SAMSN1: variants seen among roughly 807,000 people sequenced by gnomAD.
The protein encoded by SAMSN1 is SAM domain-containing protein SAMSN-1.
A neutral mutation model predicts 42.0 loss-of-function variants in SAMSN1; 31 were observed. That is an observed-to-expected ratio of 0.74 (90% CI 0.55 to 1.00). The LOEUF is 1.00. Ranked by LOEUF, SAMSN1 falls within the 50% of genes least tolerant of loss-of-function variation. SAMSN1 has a pLI of 0.00. For synonymous variants in SAMSN1, 178 were observed against 151.9 expected, an observed-to-expected ratio of 1.17 and a Z score of -1.26; for missense variants, 464 against 439.4, an observed-to-expected ratio of 1.06 and a Z score of -0.50.
rs372349738 is a variant in SAMSN1, at chr21:14,646,248, G to C, written c.25-3115C>G. On this transcript the variant is annotated intron_variant, in intron 1 of 15. Coordinates refer to the SAMSN1 transcript ENST00000647101. ...TCAAATCCCAACTATCAAGGATAAA[G>C]AAAGAATTCTAAAAGCCACAAGAGA... Among the ~76,000 whole-genome samples the C allele has an allele frequency of 1.2e-4, 19 of 152,158 alleles. No homozygotes were observed. In the South Asian group the frequency reaches 3.9e-3, roughly 32 times the overall value.
intron 1 of SAMSN1, among the ~76,000 whole-genome samples, chr21:14,535,336 G>A (rs1035704726): frequency 6.6e-6 from 1 of 152,132 alleles, no homozygotes. Flanking sequence ...TTGGATGTGA[G>A]GAAGGAAAGA....
chr21:14,507,460 A>T lies in SAMSN1; in HGVS notation c.561+2850T>A, dbSNP rs533761917. On this transcript the variant is annotated intron_variant, in intron 5 of 7. Transcript: ENST00000400566. The stretch of plus-strand genomic sequence containing the variant: ...TTTTACAATAGCTGCAAAAACAAAA[A>T]CAAAAACAAAACTTTGGAATATGCC... Among the ~76,000 whole-genome samples, 4 of 152,310 alleles carry T rather than the reference A, an allele frequency of 2.6e-5. No individual in the cohort carries two copies. In the South Asian group the frequency reaches 8.3e-4, roughly 32 times the overall value.
At chr21:14,544,231 T>C (rs55659033) in intron 1 of SAMSN1, among the ~76,000 whole-genome samples, 2,255 of 152,222 alleles carry the variant, frequency 0.015, 38 homozygotes, top group Middle Eastern at 0.048. Flanking sequence ...TTGAATTTTT[T>C]GTAGAGATGG....
At chr21:14,656,399 A>G (rs977817351) in intron 1 of SAMSN1, among the ~76,000 whole-genome samples, 11 of 151,966 alleles carry the variant, frequency 7.2e-5, no homozygotes, top group Non-Finnish European at 1.5e-4. Context: ...CCAAATAAAG[A>G]CAGAGGCAGC....
At chr21:14,556,528 T>C (rs1021993181) in intron 2 of SAMSN1, among the ~76,000 whole-genome samples, 2 of 152,220 alleles carry the variant, frequency 1.3e-5, no homozygotes, top group Admixed American at 6.5e-5. Context: ...CATATTAGGC[T>C]GTTCCAATTA....
At chr21:14,518,931 T>G (rs551059039) in intron 2 of SAMSN1, among the ~76,000 whole-genome samples, 2 of 152,290 alleles carry the variant, frequency 1.3e-5, no homozygotes, top group Admixed American at 1.3e-4. Flanking sequence ...ATAAGAAATG[T>G]TAATTACTAC....
At chr21:14,611,520 G>A (rs1982707180) in intron 4 of SAMSN1, among the ~76,000 whole-genome samples, 1 of 152,214 alleles carries the variant, frequency 6.6e-6, no homozygotes, top group South Asian at 2.1e-4. Context: ...AGAAAAGGCA[G>A]TTGATCATCA....
upstream of SAMSN1, among the ~76,000 whole-genome samples, chr21:14,547,092 T>C (rs1326304058): frequency 6.6e-6 from 1 of 152,220 alleles, no homozygotes; most frequent in East Asian, 1.9e-4. Context: ...ACTTAAAGCA[T>C]GTATGCATAT....
intron 6 of SAMSN1, among the ~76,000 whole-genome samples, chr21:14,596,539 A>G (rs1264376385): frequency 2.0e-5 from 3 of 152,190 alleles, no homozygotes; most frequent in South Asian, 2.1e-4. Flanking sequence ...CAAATAGAAT[A>G]AAATGGAAGT....
At chr21:14,657,264 A>G (rs1568845394) in intron 1 of SAMSN1, among the ~76,000 whole-genome samples, 1 of 151,904 alleles carries the variant, frequency 6.6e-6, no homozygotes, top group Non-Finnish European at 1.5e-5. Context: ...ATGATTCAAC[A>G]AAAGACTAGG....
intron 1 of SAMSN1, among the ~76,000 whole-genome samples, chr21:14,654,555 T>G (rs955946160): frequency 4.6e-5 from 7 of 152,014 alleles, no homozygotes; most frequent in African/African-American, 1.7e-4. Flanking sequence ...ATACAGGGCC[T>G]ATGGTAGCAA....
At chr21:14,578,340 G>T (rs1045661024) in intron 2 of SAMSN1, among the ~76,000 whole-genome samples, 2 of 152,068 alleles carry the variant, frequency 1.3e-5, no homozygotes, top group Non-Finnish European at 2.9e-5. Context: ...CCTTGAGAGT[G>T]GGAGGCTACA....
chr21:14,657,105 A>T (rs187778898), intron 1 of SAMSN1, among the ~76,000 whole-genome samples: 16 of 151,962 alleles, frequency 1.1e-4, no homozygotes, highest in South Asian at 2.1e-4. Flanking sequence ...AGGGTGTCAC[A>T]ACACTGTGGT....
At chr21:14,614,330 G>A (rs1160466024) in intron 3 of SAMSN1, among the ~76,000 whole-genome samples, 7 of 152,102 alleles carry the variant, frequency 4.6e-5, no homozygotes, top group Admixed American at 1.3e-4. Flanking sequence ...TTGACTATAG[G>A]TTGATCCTTG....
chr21:14,520,760 G>T (rs112041597), intron 2 of SAMSN1, among the ~76,000 whole-genome samples: 4 of 152,168 alleles, frequency 2.6e-5, no homozygotes, highest in Non-Finnish European at 4.4e-5. Flanking sequence ...CTATGGGAAG[G>T]TCGTGTGGTT....
chr21:14,618,235 T>C (rs530870367), intron 2 of SAMSN1, among the ~76,000 whole-genome samples: 24 of 152,346 alleles, frequency 1.6e-4, no homozygotes, highest in Non-Finnish European at 2.8e-4. Context: ...GGGCAAAAAA[T>C]TGAGCTGAAA....
At chr21:14,512,016 GA>G (rs1261540365) in intron 4 of SAMSN1, among the ~76,000 whole-genome samples, 10 of 152,150 alleles carry the variant, frequency 6.6e-5, no homozygotes, top group African/African-American at 1.9e-4. Context: ...GAGAAAGAAT[GA>G]GGGGGACGCA....
rs1217458665 is a variant in SAMSN1, at chr21:14,546,210, G to A, written c.52C>T (p.Pro18Ser). 1.2e-6 allele frequency: 2 copies of A among 1,612,490 alleles called. No homozygotes were observed. ...TATGTATGAAATCACCTTACCTTTGGTTTTTGATGTTTCTCCTTCTCTGAA... is the reference window on the plus strand; with the variant it reads ...TATGTATGAAATCACCTTACCTTTGATTTTTGATGTTTCTCCTTCTCTGAA... ...NVSEKEKHQK[P>S]KRSSSFGNFD... The change falls in exon 1 of 8, where the codon CCA (proline) becomes TCA (serine). Residue 18 changes from proline (P) to serine (S), a missense_variant. Transcript: ENST00000400566.
At chr21:14,549,928 C>CAA (rs61616495), upstream of SAMSN1, among the ~76,000 whole-genome samples, 41,034 of 146,874 alleles carry the variant, frequency 0.28, 5,839 homozygotes, top group African/African-American at 0.37. Context: ...CCTACAATAT[C>CAA]AAAAAAAAAA....
Sources: gnomAD v4.1 joint callset for allele counts (sites outside exome capture counted in the v4.1 genomes callset) on GRCh38, gnomAD v4.1.1 for gene constraint, MANE v1.5 for transcripts, NCBI Gene and HGNC (gene_info 2026-07-23, HGNC 2026-07-21) for gene names.